PTPRD: variants seen among roughly 807,000 people sequenced by gnomAD.
The protein encoded by PTPRD is protein tyrosine phosphatase receptor type D, also known as receptor-type tyrosine-protein phosphatase delta.
In PTPRD, 34 loss-of-function variants were observed where a neutral mutation model predicts 214.5. The observed-to-expected ratio is 0.16, with a 90% confidence interval of 0.12 to 0.21. The LOEUF is 0.21. Ranked by LOEUF, PTPRD falls within the 10% of genes least tolerant of loss-of-function variation. The pLI is 1.00. For missense variants in PTPRD, 2,545 were observed against 2,398.7 expected, an observed-to-expected ratio of 1.06 and a Z score of -1.27; for synonymous variants, 1,128 against 845.7, an observed-to-expected ratio of 1.33 and a Z score of -5.79.
At chr9:8,514,431 T>C (rs772656085) in intron 21 of PTPRD, among the ~76,000 whole-genome samples, 7 of 152,152 alleles carry the variant, frequency 4.6e-5, no homozygotes, top group Non-Finnish European at 1.0e-4. Context: ...GCCAAATTTA[T>C]TTAAATTTAG....
intron 7 of PTPRD, among the ~76,000 whole-genome samples, chr9:9,635,564 C>T (rs184060746): frequency 1.3e-5 from 2 of 152,276 alleles, no homozygotes; most frequent in Admixed American, 6.5e-5. Flanking sequence ...AGCCATTGCT[C>T]AGATTTTGGA....
chr9:8,881,382 T>C (rs1028039869), intron 11 of PTPRD, among the ~76,000 whole-genome samples: 2 of 152,202 alleles, frequency 1.3e-5, no homozygotes, highest in African/African-American at 2.4e-5. Flanking sequence ...TCCATTTGGT[T>C]AGGTCAGACA....
chr9:8,982,113 A>C (rs2099315707), intron 11 of PTPRD, among the ~76,000 whole-genome samples: 2 of 152,152 alleles, frequency 1.3e-5, no homozygotes, highest in East Asian at 1.9e-4. Context: ...AGTGAAATTA[A>C]CACACTGAAT....
chr9:10,260,467 T>C (rs944384425), intron 3 of PTPRD, among the ~76,000 whole-genome samples: 3 of 152,166 alleles, frequency 2.0e-5, no homozygotes, highest in African/African-American at 7.2e-5. Flanking sequence ...GTCTTCCAAG[T>C]CAACATTTTA....
intron 8 of PTPRD, among the ~76,000 whole-genome samples, chr9:9,473,003 T>G (rs920125988): frequency 2.0e-5 from 3 of 152,202 alleles, no homozygotes; most frequent in African/African-American, 7.2e-5. Context: ...TCTAGATTTT[T>G]GAAAATATAT....
At chr9:8,548,497 A>G (rs1165275413) in intron 14 of PTPRD, among the ~76,000 whole-genome samples, 3 of 151,816 alleles carry the variant, frequency 2.0e-5, no homozygotes, top group Non-Finnish European at 2.9e-5. Flanking sequence ...CCTCCCAAGT[A>G]TATGGGACTA....
chr9:9,299,267 T>G (rs1379163067), intron 9 of PTPRD, among the ~76,000 whole-genome samples: 1 of 151,718 alleles, frequency 6.6e-6, no homozygotes. Flanking sequence ...AAAGGTAGAT[T>G]TACAGCAGTG....
At chr9:8,790,015 C>G (rs1384726444) in intron 11 of PTPRD, among the ~76,000 whole-genome samples, 1 of 151,944 alleles carries the variant, frequency 6.6e-6, no homozygotes, top group Non-Finnish European at 1.5e-5. Flanking sequence ...TATTTATTTA[C>G]TTGCCTTTTT....
At chr9:8,484,408 T>A (rs1478160504) in intron 29 of PTPRD, 30 bp from the exon 30 acceptor site, 2 of 1,566,030 alleles carry the variant, frequency 1.3e-6, no homozygotes, top group Non-Finnish European at 1.7e-6. Context: ...AAAAAAAAAA[T>A]CTGGTTATCA....
rs116285422 is a variant in PTPRD, at chr9:8,760,821, C to T, written c.-103-26875G>A. The stretch of plus-strand genomic sequence containing the variant: ...AAAAAACAAAAGGTTTTATCTCGTA[C>T]AAGTAAAGTAGAAAGTAAATTGAGG... On this transcript the variant is annotated intron_variant, in intron 11 of 45. Transcript: ENST00000381196. Among the ~76,000 whole-genome samples, 499 of 152,126 alleles carry T rather than the reference C, an allele frequency of 3.3e-3. 2 individuals are homozygous for T. The highest frequency in any genetic ancestry group is 0.012 in the African/African-American group (481 of 41,492).
intron 8 of PTPRD, among the ~76,000 whole-genome samples, chr9:9,478,683 GAAT>G (rs1262600631): frequency 4.6e-5 from 7 of 152,120 alleles, no homozygotes; most frequent in African/African-American, 1.4e-4. Context: ...ATAGAGTATT[GAAT>G]AATATTAAAG....
chr9:9,189,776 G>A (rs1337373176), intron 9 of PTPRD, among the ~76,000 whole-genome samples: 1 of 151,966 alleles, frequency 6.6e-6, no homozygotes, highest in Non-Finnish European at 1.5e-5. Context: ...ATTTTGCTAT[G>A]CACTCAGGTG....
chr9:10,184,207 T>A (rs960114793), intron 3 of PTPRD, among the ~76,000 whole-genome samples: 1 of 152,110 alleles, frequency 6.6e-6, no homozygotes, highest in Non-Finnish European at 1.5e-5. Flanking sequence ...GGCAGATTAC[T>A]TGATGTCAGG....
At chr9:9,130,790 G>A (rs533182959) in intron 10 of PTPRD, among the ~76,000 whole-genome samples, 97 of 152,144 alleles carry the variant, frequency 6.4e-4, no homozygotes, top group African/African-American at 2.2e-3. Context: ...GCTATTTTGG[G>A]GTAGTCATTT....
intron 12 of PTPRD, among the ~76,000 whole-genome samples, chr9:8,659,165 T>A (rs181069969): frequency 5.9e-5 from 9 of 152,300 alleles, no homozygotes; most frequent in African/African-American, 1.7e-4. Flanking sequence ...TAATTATGCC[T>A]CTCAGATGCA....
intron 7 of PTPRD, among the ~76,000 whole-genome samples, chr9:9,583,711 T>A (rs551799802): frequency 2.6e-5 from 4 of 152,070 alleles, no homozygotes; most frequent in Non-Finnish European, 5.9e-5. Context: ...ATAGCCTTTA[T>A]GTAAATTCAT....
chr9:8,915,109 A>G (rs192375549), intron 11 of PTPRD, among the ~76,000 whole-genome samples: 1 of 152,198 alleles, frequency 6.6e-6, no homozygotes, highest in Admixed American at 6.5e-5. Flanking sequence ...AGACATATAT[A>G]CACAAAACTA....
intron 12 of PTPRD, among the ~76,000 whole-genome samples, chr9:8,642,791 G>A (rs2096605978): frequency 6.6e-6 from 1 of 152,232 alleles, no homozygotes; most frequent in African/African-American, 2.4e-5. Context: ...CAGAGTTTGT[G>A]TGGATGATAG....
At chr9:8,569,784 G>C (rs1184886610) in intron 14 of PTPRD, among the ~76,000 whole-genome samples, 1 of 132,244 alleles carries the variant, frequency 7.6e-6, no homozygotes, top group East Asian at 2.1e-4. Flanking sequence ...TTTTAAGGAA[G>C]ATATAAATTG....
Sources: allele counts gnomAD v4.1 joint callset (sites outside exome capture counted in the v4.1 genomes callset), GRCh38; gene constraint gnomAD v4.1.1; transcripts MANE v1.5; gene names NCBI Gene and HGNC (gene_info 2026-07-23, HGNC 2026-07-21).